The following RERG variants were observed in gnomAD, a reference collection of about 807,000 sequenced individuals.
RERG encodes RAS like estrogen regulated growth inhibitor, also known as ras-related and estrogen-regulated growth inhibitor.
RERG carries 25 observed loss-of-function variants against 23.2 expected under a neutral mutation model. That is an observed-to-expected ratio of 1.08 (90% CI 0.79 to 1.50). The LOEUF is 1.50. Ranked by LOEUF, RERG falls within the 40% of genes most tolerant of loss-of-function variation. The pLI is 0.00. For missense variants in RERG, 253 were observed against 250.1 expected (o/e 1.01, Z -0.08); for synonymous variants, 81 against 89.1 (o/e 0.91, Z 0.51).
rs767306353 is a variant in RERG, at chr12:15,121,052, A to G, written c.118+11T>C. The G allele has an allele frequency of 1.9e-6, 3 of 1,604,266 alleles. No homozygotes were observed. The Admixed American group carries it at 5.0e-5, about 27-fold the overall frequency. On this transcript the variant is annotated intron_variant, in intron 3 of 4. Transcript: ENST00000256953. ...TTATTGAAGAGGAGAAGGAAACAAA[A>G]TTTGACCTACCGAGGGTGGGATCAT... is the stretch of plus-strand genomic sequence containing the variant.
chr12:15,158,534 G>A (rs767301862), intron 2 of RERG, among the ~76,000 whole-genome samples: 11 of 152,054 alleles, frequency 7.2e-5, no homozygotes, highest in East Asian at 1.9e-4. Context: ...CACCTACCTC[G>A]GCCTCCCAAA....
chr12:15,198,444 AG>A (rs2136139354), intron 2 of RERG, among the ~76,000 whole-genome samples: 2 of 152,218 alleles, frequency 1.3e-5, no homozygotes, highest in African/African-American at 4.8e-5. Flanking sequence ...CCTCAGAGCA[AG>A]GGGGAATATG....
At chr12:15,152,137 A>C (rs1307362174) in intron 2 of RERG, 1 of 152,236 alleles carries the variant, frequency 6.6e-6, no homozygotes, top group Non-Finnish European at 1.5e-5. Context: ...TTGCCCACAG[A>C]TGTTTTGGAA....
chr12:15,168,023 C>T (rs967281717), intron 2 of RERG, among the ~76,000 whole-genome samples: 5 of 152,132 alleles, frequency 3.3e-5, no homozygotes, highest in African/African-American at 9.7e-5. Context: ...CTTATGATTG[C>T]CTCTCATCTA....
chr12:15,195,596 T>C (rs1865133651), intron 2 of RERG, among the ~76,000 whole-genome samples: 1 of 146,658 alleles, frequency 6.8e-6, no homozygotes, highest in Non-Finnish European at 1.5e-5. Flanking sequence ...TGTGTGTGTG[T>C]GTGTGCATGT....
intron 2 of RERG, among the ~76,000 whole-genome samples, chr12:15,150,376 G>T (rs977481509): frequency 6.6e-6 from 1 of 152,108 alleles, no homozygotes; most frequent in South Asian, 2.1e-4. Context: ...TCATATCTAG[G>T]CTCAACATTG....
chr12:15,196,105 T>C (rs1489342494), intron 2 of RERG, among the ~76,000 whole-genome samples: 1 of 152,150 alleles, frequency 6.6e-6, no homozygotes, highest in Non-Finnish European at 1.5e-5. Context: ...ATTTAAAATC[T>C]GAGAAAGGCA....
chr12:15,144,206 T>C (rs1231060618), intron 2 of RERG, among the ~76,000 whole-genome samples: 1 of 152,120 alleles, frequency 6.6e-6, no homozygotes, highest in South Asian at 2.1e-4. Flanking sequence ...AGGGTAGGGA[T>C]TGAAAGCCAG....
intron 2 of RERG, among the ~76,000 whole-genome samples, chr12:15,178,868 T>TA (rs1864887429): frequency 6.6e-6 from 1 of 152,234 alleles, no homozygotes; most frequent in Non-Finnish European, 1.5e-5. Context: ...TTTCTGGAGT[T>TA]ACAACTGTGT....
chr12:15,111,092 A>G, intron 4 of RERG: 1 of 308,616 alleles, frequency 3.2e-6, no homozygotes, highest in Non-Finnish European at 5.9e-6. Context: ...TATAGGTGAG[A>G]GAGTCTAACC....
intron 2 of RERG, among the ~76,000 whole-genome samples, chr12:15,169,568 G>C (rs1029413733): frequency 3.9e-5 from 6 of 152,130 alleles, no homozygotes; most frequent in African/African-American, 1.2e-4. Flanking sequence ...CCAGCTTGCA[G>C]ACAGCAGGTC....
intron 2 of RERG, among the ~76,000 whole-genome samples, chr12:15,166,496 A>G (rs879584221): frequency 8.1e-5 from 12 of 148,512 alleles, no homozygotes; most frequent in East Asian, 6.0e-4. Flanking sequence ...GATGATGATG[A>G]TGATGGGGAT....
intron 2 of RERG, among the ~76,000 whole-genome samples, chr12:15,173,960 T>C (rs1393256564): frequency 1.3e-5 from 2 of 152,054 alleles, no homozygotes; most frequent in African/African-American, 4.8e-5. Context: ...AAAAATACTT[T>C]TATTCTGCCT....
At chr12:15,206,381 C>G (rs1360970830) in intron 2 of RERG, among the ~76,000 whole-genome samples, 1 of 151,962 alleles carries the variant, frequency 6.6e-6, no homozygotes, top group Non-Finnish European at 1.5e-5. Context: ...GTCAGTACAC[C>G]CAACAGGGCA....
At chr12:15,220,913 A>G (rs1865503797) in intron 1 of RERG, among the ~76,000 whole-genome samples, 1 of 152,242 alleles carries the variant, frequency 6.6e-6, no homozygotes, top group Non-Finnish European at 1.5e-5. Context: ...GGTATCTTGC[A>G]AGAATAAACA....
chr12:15,178,144 C>T (rs1864877606), intron 2 of RERG, among the ~76,000 whole-genome samples: 1 of 152,002 alleles, frequency 6.6e-6, no homozygotes, highest in Non-Finnish European at 1.5e-5. Flanking sequence ...CTTTGCAATC[C>T]TCTCATTTTA....
intron 2 of RERG, among the ~76,000 whole-genome samples, chr12:15,182,057 CT>C (rs71042236): frequency 0.088 from 12,096 of 137,978 alleles, 530 homozygotes; most frequent in East Asian, 0.25. Context: ...TAACTTTTAA[CT>C]TTTTTTTTTT....
chr12:15,125,834 G>A (rs1023042402), intron 2 of RERG, among the ~76,000 whole-genome samples: 2 of 151,704 alleles, frequency 1.3e-5, no homozygotes, highest in African/African-American at 4.8e-5. Context: ...GCTCTATTCA[G>A]TTAGGCATTA....
In RERG at chr12:15,109,487, G is replaced by T. The variant is rs370047461; in HGVS notation, c.223C>A (p.Arg75=). 1.1e-4 allele frequency: 180 copies of T among 1,609,594 alleles called. No individual in the cohort carries two copies. In the South Asian group the frequency reaches 1.7e-3, roughly 15 times the overall value. ...EDTIQREGHM[R]WGEGFVLVYD... ...ACCAGCACAAAGCCTTCCCCCCATC[G>T]CATGTGCCCCTCCCTCTGAATGGTA... The change falls in exon 5 of 5, where the codon CGA becomes AGA. Residue 75 remains arginine (R), a synonymous_variant. Coordinates refer to ENST00000256953, the MANE Select transcript of RERG (RefSeq NM_032918.3).
Sources: allele counts gnomAD v4.1 joint callset (sites outside exome capture counted in the v4.1 genomes callset), GRCh38; gene constraint gnomAD v4.1.1; transcripts MANE v1.5; gene names NCBI Gene and HGNC (gene_info 2026-07-23, HGNC 2026-07-21).